The following CFAP44 variants were observed in gnomAD, a reference collection of about 807,000 sequenced individuals.
CFAP44 encodes cilia and flagella associated protein 44.
CFAP44 carries 134 observed loss-of-function variants against 216.2 expected under a neutral mutation model. That is an observed-to-expected ratio of 0.62 (90% CI 0.54 to 0.72). The LOEUF (loss-of-function observed/expected upper bound fraction) is 0.72. Ranked by LOEUF, CFAP44 falls within the 30% of genes least tolerant of loss-of-function variation. The probability of loss-of-function intolerance (pLI) is 0.00; values close to 1 mark genes in which losing one functional copy is unlikely to be tolerated. For synonymous variants in CFAP44, 700 were observed against 727.6 expected, an observed-to-expected ratio of 0.96 and a Z score of 0.61; for missense variants, 2,035 against 2,182.1, an observed-to-expected ratio of 0.93 and a Z score of 1.34.
chr3:113,371,761 A>C (rs1197186344), intron 18 of CFAP44, among the ~76,000 whole-genome samples: 1 of 152,260 alleles, frequency 6.6e-6, no homozygotes, highest in East Asian at 1.9e-4. Flanking sequence ...TCTGCACAGC[A>C]AAAGAAACTA....
At chr3:113,426,029 G>A in intron 4 of CFAP44, 95 bp downstream of exon 4, 1 of 1,430,960 alleles carries the variant, frequency 7.0e-7, no homozygotes, top group Non-Finnish European at 9.5e-7. Context: ...AAACAGGTGG[G>A]AAGGCACATT....
In CFAP44 at chr3:113,287,549, G is replaced by A. The variant is rs1227530806; in HGVS notation, c.*4008C>T. On this transcript the variant is annotated 3_prime_UTR_variant, in exon 35 of 35. Coordinates refer to ENST00000393845, the MANE Select transcript of CFAP44 (RefSeq NM_001164496.2). ...AAATACCCACTTACAATATTTTCAG[G>A]TCCATCAGAAATGAGATCTGAAAAA... 6.5e-6 allele frequency: 1 copy of A among 152,864 alleles called. No individual in the cohort carries two copies. The highest frequency in any genetic ancestry group is 2.4e-5 in the African/African-American group (1 of 41,402). 9.5% of individuals were successfully genotyped at this position (152,864 alleles called of 1,614,324 possible). A position where few individuals can be genotyped will look rare whatever the true frequency, so the allele number is the denominator to read the frequency against.
chr3:113,436,234 CTGTT>C (rs1347603881), intron 1 of CFAP44, among the ~76,000 whole-genome samples: 4 of 146,540 alleles, frequency 2.7e-5, no homozygotes, highest in Non-Finnish European at 6.1e-5. Context: ...CAGTGAGTAA[CTGTT>C]TTTTTTTTTA....
chr3:113,335,370 G>C (rs1351701409), intron 24 of CFAP44, among the ~76,000 whole-genome samples: 1 of 152,206 alleles, frequency 6.6e-6, no homozygotes, highest in Non-Finnish European at 1.5e-5. Flanking sequence ...TGAAGAGACA[G>C]AGATCAGAGT....
chr3:113,296,706 A>T lies in CFAP44; in HGVS notation c.5238+19T>A, dbSNP rs808950. 1 of 1,533,164 alleles carries T rather than the reference A, an allele frequency of 6.5e-7. No individual in the cohort carries two copies. Among genetic ancestry groups the T allele is most frequent in the Non-Finnish European group, 8.7e-7 (1 of 1,143,440 alleles). 95.0% of individuals were successfully genotyped at this position (1,533,164 alleles called of 1,614,324 possible). A position where few individuals can be genotyped will look rare whatever the true frequency, so the allele number is the denominator to read the frequency against. On this transcript the variant is annotated intron_variant, in intron 33 of 34. Coordinates refer to ENST00000393845, the MANE Select transcript of CFAP44 (RefSeq NM_001164496.2). Reference sequence around the variant, plus strand: ...TCCAGCCAGATTCAACCAAAGATCAACCCCCTTCTCTTCCTTACCTCCCAC... The same window carrying T: ...TCCAGCCAGATTCAACCAAAGATCATCCCCCTTCTCTTCCTTACCTCCCAC...
intron 4 of CFAP44, among the ~76,000 whole-genome samples, chr3:113,424,360 C>T (rs545257261): frequency 4.6e-5 from 7 of 152,198 alleles, no homozygotes; most frequent in East Asian, 3.9e-4. Context: ...TGCTTGAACC[C>T]GGCAGGCGGA....
chr3:113,343,059 C>CTTTTTTTTTTTTT (rs397990837), intron 23 of CFAP44, among the ~76,000 whole-genome samples: 17 of 106,772 alleles, frequency 1.6e-4, no homozygotes, highest in Non-Finnish European at 2.7e-4. Context: ...TTCTTTCTTT[C>CTTTTTTTTTTTTT]TTTTTTTTTT....
chr3:113,299,207 A>G (rs925745052), intron 32 of CFAP44, among the ~76,000 whole-genome samples: 3 of 152,180 alleles, frequency 2.0e-5, no homozygotes, highest in Admixed American at 6.5e-5. Flanking sequence ...AGCTTGAACA[A>G]CTCTATAGAA....
Position 113,326,463 on chromosome 3 carries a change from C to T in CFAP44, c.4498G>A (p.Glu1500Lys). ...KKKIKRVKKK[E>K]VEGDADEDEE... ...TACAAACCAGCATCTCCTTCAACTT[C>T]TTTTTTCTTTACCCGTTTAATCTTC... The change falls in exon 28 of 35, where the codon GAA becomes AAA. Residue 1500 changes from glutamate to lysine, a missense_variant. Physicochemically the swap from Glu to Lys is moderately conservative, Grantham distance 56. Transcript: ENST00000393845. 2.0e-6 allele frequency: 3 copies of T among 1,502,468 alleles called. No homozygotes were observed. The South Asian group carries it at 4.0e-5, about 20-fold the overall frequency. The allele number at this position is 1,502,468 out of a possible 1,614,324, so 93.1% of individuals were successfully genotyped here.
intron 3 of CFAP44, 35 bp from the exon 4 acceptor site, chr3:113,426,312 G>T (rs1462197853): frequency 1.2e-6 from 2 of 1,603,060 alleles, no homozygotes; most frequent in Non-Finnish European, 1.7e-6. Flanking sequence ...AGAGTGATAT[G>T]GTTTGGCTGT....
intron 6 of CFAP44, among the ~76,000 whole-genome samples, chr3:113,409,657 G>C (rs1934398196): frequency 6.6e-6 from 1 of 152,136 alleles, no homozygotes; most frequent in African/African-American, 2.4e-5. Flanking sequence ...ATAGGAGCTG[G>C]GTAAAATGAG....
intron 28 of CFAP44, among the ~76,000 whole-genome samples, chr3:113,325,572 G>GT (rs1477115242): frequency 3.3e-5 from 5 of 151,842 alleles, no homozygotes; most frequent in Non-Finnish European, 4.4e-5. Flanking sequence ...AGCCTCCCTA[G>GT]TAGCTCGGAC....
chr3:113,391,321 G>A (rs1481570132), intron 15 of CFAP44, among the ~76,000 whole-genome samples: 1 of 151,994 alleles, frequency 6.6e-6, no homozygotes, highest in Admixed American at 6.6e-5. Flanking sequence ...CCTATCTCTT[G>A]CTATATACAA....
intron 28 of CFAP44, among the ~76,000 whole-genome samples, chr3:113,321,067 GAAGA>G (rs763511555): frequency 3.2e-4 from 48 of 152,044 alleles, no homozygotes; most frequent in Non-Finnish European, 5.4e-4. Context: ...GAGATATGAT[GAAGA>G]AAGAAAACTT....
chr3:113,433,829 CACCAGAG>C, intron 1 of CFAP44, 160 bp from the exon 2 acceptor site: 1 of 582,060 alleles, frequency 1.7e-6, no homozygotes, highest in East Asian at 2.9e-5. Flanking sequence ...GTGCAACTAC[CACCAGAG>C]ACCTCTGACC....
Position 113,400,037 on chromosome 3 carries a change from T to C in CFAP44, c.1475-37A>G, listed in dbSNP as rs1161756183. The stretch of plus-strand genomic sequence containing the variant: ...CAGTTTTAAAAGAAAAAAAATTATA[T>C]ACATAATTTTTTTAAGTCTTGGCTC... On this transcript the variant is annotated intron_variant, in intron 12 of 34. Transcript: ENST00000393845. The C allele has an allele frequency of 2.9e-6, 4 of 1,375,524 alleles. No individual in the cohort carries two copies. In the African/African-American group the frequency reaches 6.0e-5, roughly 21 times the overall value. 85.2% of individuals were successfully genotyped at this position (1,375,524 alleles called of 1,614,324 possible). A position where few individuals can be genotyped will look rare whatever the true frequency, so the allele number is the denominator to read the frequency against.
chr3:113,406,438 C>A (rs1389332687), intron 8 of CFAP44, among the ~76,000 whole-genome samples: 5 of 152,226 alleles, frequency 3.3e-5, no homozygotes, highest in Non-Finnish European at 7.4e-5. Context: ...TCCTGGCTAA[C>A]ACGGTGAAAC....
intron 29 of CFAP44, among the ~76,000 whole-genome samples, chr3:113,307,270 C>G (rs1033261347): frequency 6.6e-6 from 1 of 152,312 alleles, no homozygotes; most frequent in African/African-American, 2.4e-5. Context: ...ATGTAAATTA[C>G]AGTCTGGCAT....
At chr3:113,440,251 G>A (rs1347256163) in intron 1 of CFAP44, among the ~76,000 whole-genome samples, 1 of 152,016 alleles carries the variant, frequency 6.6e-6, no homozygotes. Context: ...TTTAGTAGAC[G>A]GGTTTCCCCA....
Sources: allele counts gnomAD v4.1 joint callset (sites outside exome capture counted in the v4.1 genomes callset), GRCh38; gene constraint gnomAD v4.1.1; transcripts MANE v1.5; gene names NCBI Gene and HGNC (gene_info 2026-07-23, HGNC 2026-07-21).